The following ATP10B variants were observed in gnomAD, a reference collection of about 807,000 sequenced individuals.
ATP10B encodes phospholipid-transporting ATPase VB.
Under a neutral mutation model 141.2 loss-of-function variants are expected in ATP10B, and 122 were observed. That is an observed-to-expected ratio of 0.86 (90% CI 0.75 to 1.00). The LOEUF (loss-of-function observed/expected upper bound fraction) is 1.00, where lower values mean the gene tolerates loss of function less well. Among genes scored for constraint, ATP10B ranks in the 50% least tolerant of loss-of-function variants. ATP10B has a pLI of 0.00. For synonymous variants in ATP10B, 685 were observed against 692.0 expected, an observed-to-expected ratio of 0.99 and a Z score of 0.16; for missense variants, 1,876 against 1,825.3, an observed-to-expected ratio of 1.03 and a Z score of -0.51.
chr5:160,588,447 C>A (rs960951043), intron 24 of ATP10B, among the ~76,000 whole-genome samples: 1 of 152,090 alleles, frequency 6.6e-6, no homozygotes, highest in Non-Finnish European at 1.5e-5. Flanking sequence ...ACATGCTGAG[C>A]CTACTTGGGG....
At chr5:160,846,590 T>TG (rs1370340192) in intron 1 of ATP10B, among the ~76,000 whole-genome samples, 8 of 152,172 alleles carry the variant, frequency 5.3e-5, no homozygotes, top group Non-Finnish European at 8.8e-5. Flanking sequence ...ATCAATATTA[T>TG]GATTGCTGCT....
chr5:160,612,070 C>T (rs1241278197), intron 18 of ATP10B: 2 of 152,234 alleles, frequency 1.3e-5, no homozygotes, highest in East Asian at 1.9e-4. Context: ...AACCTCACTC[C>T]CTGCCACCCG....
chr5:160,612,984 C>A (rs919392342), intron 17 of ATP10B, 59 bp from the exon 18 acceptor site: 10 of 1,503,636 alleles, frequency 6.7e-6, no homozygotes, highest in South Asian at 3.8e-5. Context: ...TTGCTTAATT[C>A]CCCCAAAGCC....
chr5:160,637,150 A>ATCCG (rs1759465991), intron 10 of ATP10B, among the ~76,000 whole-genome samples: 2 of 150,544 alleles, frequency 1.3e-5, no homozygotes, highest in Admixed American at 1.3e-4. Flanking sequence ...CCATCCATCC[A>ATCCG]TCTGTCCATC....
At chr5:160,864,309 A>G in the ATP10B span, among the ~76,000 whole-genome samples, 1 of 152,100 alleles carries the variant, frequency 6.6e-6, no homozygotes, top group African/African-American at 2.4e-5. Flanking sequence ...CATTACATAA[A>G]GAGAATCGAA....
intron 7 of ATP10B, among the ~76,000 whole-genome samples, chr5:160,663,274 C>T (rs926086418): frequency 2.6e-5 from 4 of 152,170 alleles, no homozygotes; most frequent in African/African-American, 9.7e-5. Flanking sequence ...TTTGACCCAG[C>T]CATCCCCTTA....
At chr5:160,626,017 G>C (rs1410072030) in intron 13 of ATP10B, among the ~76,000 whole-genome samples, 1 of 152,238 alleles carries the variant, frequency 6.6e-6, no homozygotes, top group Non-Finnish European at 1.5e-5. Flanking sequence ...CCACAGACTT[G>C]TTGCCACAGG....
chr5:160,575,916 C>T (rs1332733155), intron 24 of ATP10B, among the ~76,000 whole-genome samples: 1 of 152,196 alleles, frequency 6.6e-6, no homozygotes, highest in Non-Finnish European at 1.5e-5. Context: ...GCACCTCTCC[C>T]TTTCTTCATC....
chr5:160,870,759 A>G, the ATP10B span, among the ~76,000 whole-genome samples: 1 of 152,066 alleles, frequency 6.6e-6, no homozygotes, highest in Admixed American at 6.5e-5. Flanking sequence ...CACAAAAAAC[A>G]AAACAAAAAC....
intron 1 of ATP10B, among the ~76,000 whole-genome samples, chr5:160,787,130 A>C (rs80010528): frequency 8.2e-6 from 1 of 122,438 alleles, no homozygotes; most frequent in African/African-American, 2.6e-5. Context: ...ACACACACAC[A>C]CACACACACA....
intron 7 of ATP10B, among the ~76,000 whole-genome samples, chr5:160,662,041 A>T (rs889205278): frequency 6.6e-6 from 1 of 152,212 alleles, no homozygotes; most frequent in Non-Finnish European, 1.5e-5. Flanking sequence ...ACTTCCATTC[A>T]CAATTGCTTC....
At chr5:160,924,914 T>A in the ATP10B span, among the ~76,000 whole-genome samples, 1 of 152,172 alleles carries the variant, frequency 6.6e-6, no homozygotes, top group Non-Finnish European at 1.5e-5. Context: ...TCAAGGCTTG[T>A]GTGGTTGCCT....
the ATP10B span, among the ~76,000 whole-genome samples, chr5:160,857,458 T>C: frequency 1.3e-5 from 2 of 151,880 alleles, no homozygotes; most frequent in Non-Finnish European, 1.5e-5. Context: ...TAATTCTATT[T>C]GTTGATCTTT....
intron 7 of ATP10B, among the ~76,000 whole-genome samples, chr5:160,658,231 A>G (rs896494448): frequency 6.6e-6 from 1 of 152,212 alleles, no homozygotes; most frequent in Non-Finnish European, 1.5e-5. Context: ...TGAACGGACT[A>G]TAATAGTTGA....
At chr5:160,644,068 G>C (rs911480686) in intron 9 of ATP10B, 70 bp downstream of exon 9, 39 of 1,277,970 alleles carry the variant, frequency 3.1e-5, no homozygotes, top group Non-Finnish European at 4.5e-5. Context: ...GGTTCCCATT[G>C]ACTGAAGATG....
upstream of ATP10B, among the ~76,000 whole-genome samples, chr5:160,855,354 T>G (rs550351039): frequency 2.2e-4 from 33 of 152,214 alleles, no homozygotes; most frequent in Admixed American, 3.9e-4. Flanking sequence ...ATTTTGGTTT[T>G]AATTTGCATT....
At chr5:160,803,927 A>AT (rs11446179) in intron 1 of ATP10B, among the ~76,000 whole-genome samples, 37,138 of 150,260 alleles carry the variant, frequency 0.25, 4,641 homozygotes, top group Middle Eastern at 0.28. Context: ...GTCAACACAG[A>AT]TTTTTTTTTT....
the ATP10B span, among the ~76,000 whole-genome samples, chr5:160,899,052 G>A: frequency 1.3e-5 from 2 of 152,108 alleles, no homozygotes; most frequent in East Asian, 3.8e-4. Flanking sequence ...TAGGTAACGG[G>A]TCGATGGGTA....
At chr5:160,760,824 C>T (rs553354529) in intron 2 of ATP10B, among the ~76,000 whole-genome samples, 1 of 152,266 alleles carries the variant, frequency 6.6e-6, no homozygotes, top group Non-Finnish European at 1.5e-5. Context: ...CTCCATTGGC[C>T]TGAGAACCAC....
Sources: allele counts gnomAD v4.1 joint callset (sites outside exome capture counted in the v4.1 genomes callset), GRCh38; gene constraint gnomAD v4.1.1; transcripts MANE v1.5; gene names NCBI Gene and HGNC (gene_info 2026-07-23, HGNC 2026-07-21).